MBNL1: variants seen among roughly 807,000 people sequenced by gnomAD.
MBNL1 encodes muscleblind like splicing regulator 1.
MBNL1 carries 8 observed loss-of-function variants against 42.2 expected under a neutral mutation model. The observed-to-expected ratio is 0.19, with a 90% CI of 0.11 to 0.34. MBNL1 has a LOEUF of 0.34. Ranked by LOEUF, MBNL1 falls within the 10% of genes least tolerant of loss-of-function variation. The probability of loss-of-function intolerance (pLI) is 1.00; values close to 1 mark genes in which losing one functional copy is unlikely to be tolerated. For missense variants in MBNL1, 309 were observed against 495.3 expected (o/e 0.62, Z 3.57); for synonymous variants, 169 against 173.9 (o/e 0.97, Z 0.22).
chr3:152,460,544 G>T (rs1415145252), intron 9 of MBNL1, among the ~76,000 whole-genome samples: 6 of 151,048 alleles, frequency 4.0e-5, no homozygotes, highest in Non-Finnish European at 7.4e-5. Flanking sequence ...CAGCGCACCA[G>T]CATGGCACAT....
intron 2 of MBNL1, among the ~76,000 whole-genome samples, chr3:152,253,363 T>C (rs970960564): frequency 3.9e-5 from 6 of 152,144 alleles, no homozygotes; most frequent in Non-Finnish European, 7.4e-5. Flanking sequence ...TATATTCCAA[T>C]GCTGACCAGA....
chr3:152,391,723 A>G (rs1032698190), intron 2 of MBNL1, among the ~76,000 whole-genome samples: 5 of 152,200 alleles, frequency 3.3e-5, no homozygotes, highest in Admixed American at 3.3e-4. Context: ...CCTTGGTATA[A>G]TTCAAGATGA....
chr3:152,268,638 C>T (rs550017293), upstream of MBNL1: 821 of 411,364 alleles, frequency 2.0e-3, 10 homozygotes, highest in South Asian at 0.012. Context: ...CCGAGGGGAT[C>T]CACGGCGCCC....
At chr3:152,352,279 A>G (rs2095092234) in intron 2 of MBNL1, among the ~76,000 whole-genome samples, 1 of 152,178 alleles carries the variant, frequency 6.6e-6, no homozygotes, top group Non-Finnish European at 1.5e-5. Context: ...ATGTTTTAAA[A>G]ATTATTACTA....
In MBNL1 at chr3:152,269,091, AG is replaced by A; in HGVS notation, c.-790+1del. On this transcript the variant is annotated splice_region_variant and 5_prime_UTR_variant, in exon 1 of 10. Coordinates refer to ENST00000324210, the MANE Select transcript of MBNL1 (RefSeq NM_021038.5). ...GCCGCCTCTGAAAAAAAAATGTGAG[AG>A]GTAAGTTTCCATTTTCACAGTTTCC... 2 of 453,960 alleles carry A rather than the reference AG, an allele frequency of 4.4e-6. No individual in the cohort carries two copies. The highest frequency in any genetic ancestry group is 8.8e-6 in the Non-Finnish European group (2 of 226,386). 28.1% of individuals were successfully genotyped at this position (453,960 alleles called of 1,614,324 possible).
chr3:152,305,276 A>C (rs1424308277), intron 2 of MBNL1, among the ~76,000 whole-genome samples: 1 of 152,264 alleles, frequency 6.6e-6, no homozygotes, highest in Non-Finnish European at 1.5e-5. Flanking sequence ...GAAAGGTGAG[A>C]AATGGAATGT....
chr3:152,291,202 T>C (rs894453983), intron 1 of MBNL1, among the ~76,000 whole-genome samples: 1 of 152,202 alleles, frequency 6.6e-6, no homozygotes, highest in Admixed American at 6.5e-5. Context: ...GAAGGAAATG[T>C]TAAAATACTT....
intron 2 of MBNL1, among the ~76,000 whole-genome samples, chr3:152,330,563 A>C (rs2083670450): frequency 6.6e-6 from 1 of 152,184 alleles, no homozygotes. Context: ...CTATAACGAC[A>C]TGGAATACAT....
chr3:152,410,836 G>A (rs1195448205), intron 2 of MBNL1, among the ~76,000 whole-genome samples: 1 of 152,248 alleles, frequency 6.6e-6, no homozygotes, highest in African/African-American at 2.4e-5. Context: ...TAAGAGCCAA[G>A]CTTTTATTAC....
At chr3:152,436,997 T>C (rs2099087328) in intron 4 of MBNL1, among the ~76,000 whole-genome samples, 1 of 152,226 alleles carries the variant, frequency 6.6e-6, no homozygotes, top group Admixed American at 6.5e-5. Context: ...ATCTTTCTGC[T>C]CTGTGCTTGT....
chr3:152,446,352 G>A (rs930029506), intron 5 of MBNL1, among the ~76,000 whole-genome samples: 1 of 151,722 alleles, frequency 6.6e-6, no homozygotes, highest in Non-Finnish European at 1.5e-5. Context: ...AAATAATCAC[G>A]AGAGAGATCT....
intron 4 of MBNL1, among the ~76,000 whole-genome samples, chr3:152,435,129 A>C (rs1047400916): frequency 6.6e-6 from 1 of 151,916 alleles, no homozygotes; most frequent in African/African-American, 2.4e-5. Flanking sequence ...CTATGTCAAG[A>C]ATGGTATTTC....
intron 2 of MBNL1, among the ~76,000 whole-genome samples, chr3:152,412,569 T>G (rs1028337156): frequency 2.0e-5 from 3 of 152,190 alleles, no homozygotes; most frequent in African/African-American, 7.2e-5. Flanking sequence ...ACAGCATTTT[T>G]CCTGAGTAGA....
chr3:152,396,473 C>G (rs1339717954), intron 2 of MBNL1, among the ~76,000 whole-genome samples: 1 of 152,074 alleles, frequency 6.6e-6, no homozygotes, highest in East Asian at 1.9e-4. Flanking sequence ...TAGGCAAATC[C>G]TTTCACCTCT....
chr3:152,368,745 T>C (rs1018720355), intron 2 of MBNL1, among the ~76,000 whole-genome samples: 2 of 152,194 alleles, frequency 1.3e-5, no homozygotes, highest in Admixed American at 6.5e-5. Context: ...TTGTAAGTTA[T>C]ATTCCTAGGT....
intron 2 of MBNL1, among the ~76,000 whole-genome samples, chr3:152,408,771 C>T (rs951522209): frequency 4.6e-5 from 7 of 151,924 alleles, no homozygotes; most frequent in Non-Finnish European, 1.5e-5. Context: ...CCCTCCTCCC[C>T]GCCAAGACAT....
intron 2 of MBNL1, chr3:152,340,370 G>T: frequency 1.3e-6 from 1 of 794,694 alleles, no homozygotes; most frequent in Non-Finnish European, 2.0e-6. Flanking sequence ...ATCTCTTGTG[G>T]TGTATACTTG....
At chr3:152,441,510 C>T (rs183539007) in intron 4 of MBNL1, among the ~76,000 whole-genome samples, 7 of 152,052 alleles carry the variant, frequency 4.6e-5, no homozygotes, top group East Asian at 3.9e-4. Flanking sequence ...ATTGTCTGTC[C>T]GCTATATTAT....
intron 3 of MBNL1, among the ~76,000 whole-genome samples, chr3:152,418,615 A>T (rs1201621265): frequency 2.2e-5 from 1 of 46,450 alleles, no homozygotes; most frequent in South Asian, 9.1e-4. Context: ...CCCTGTCTCT[A>T]AAAAAAAAAA....
Sources: gnomAD v4.1 joint callset for allele counts (sites outside exome capture counted in the v4.1 genomes callset) on GRCh38, gnomAD v4.1.1 for gene constraint, MANE v1.5 for transcripts, NCBI Gene and HGNC (gene_info 2026-07-23, HGNC 2026-07-21) for gene names.